Variants in PHACTR1 observed in about 807,000 individuals in gnomAD.
PHACTR1 encodes the protein phosphatase and actin regulator 1.
PHACTR1 carries 16 observed loss-of-function variants against 69.2 expected under a neutral mutation model. The observed-to-expected ratio is 0.23, with a 90% CI of 0.16 to 0.35. The LOEUF is 0.35. Ranked by LOEUF, PHACTR1 falls within the 10% of genes least tolerant of loss-of-function variation. PHACTR1 has a pLI of 1.00. For synonymous variants in PHACTR1, 312 were observed against 284.5 expected, an observed-to-expected ratio of 1.10 and a Z score of -0.97; for missense variants, 510 against 734.7, an observed-to-expected ratio of 0.69 and a Z score of 3.54.
rs568444240 is a variant in PHACTR1 at position 12,881,349 on chromosome 6, G to T, written c.250+131559G>T. ...TAGAGTGAGCTGATTTTTGTGGAAG[G>T]GTTGCATTTGGCGCTGAACCTGCAG... On this transcript the variant is annotated intron_variant, in intron 4 of 14. Coordinates refer to ENST00000332995, the MANE Select transcript of PHACTR1 (RefSeq NM_030948.6). 4.6e-5 allele frequency among the ~76,000 whole-genome samples: 7 copies of T among 152,248 alleles called. No individual in the cohort carries two copies. In the South Asian group the frequency reaches 1.5e-3, roughly 32 times the overall value.
intron 4 of PHACTR1, among the ~76,000 whole-genome samples, chr6:12,902,214 G>C (rs552210229): frequency 5.3e-5 from 8 of 152,298 alleles, no homozygotes; most frequent in African/African-American, 1.7e-4. Context: ...CCTGATGTCA[G>C]GAGTTCGAGA....
At chr6:13,073,881 T>C (rs1452863386) in intron 5 of PHACTR1, among the ~76,000 whole-genome samples, 1 of 151,594 alleles carries the variant, frequency 6.6e-6, no homozygotes, top group Non-Finnish European at 1.5e-5. Flanking sequence ...TTTCTTTTTT[T>C]TTTTTTTCTG....
Position 12,839,679 on chromosome 6 carries a change from C to T in PHACTR1, c.250+89889C>T, listed in dbSNP as rs542251902. On this transcript the variant is annotated intron_variant, in intron 4 of 14. Transcript: ENST00000332995. ...ACAGAAACAGGATACTGGTCACCAA[C>T]AGATCAAGATGTACACACAAGACAG... Among the ~76,000 whole-genome samples, 10 of 152,320 alleles carry T rather than the reference C, an allele frequency of 6.6e-5. No homozygotes were observed. The South Asian group carries it at 2.1e-3, about 32-fold the overall frequency.
At chr6:12,911,327 T>C (rs577285308) in intron 4 of PHACTR1, among the ~76,000 whole-genome samples, 37 of 152,292 alleles carry the variant, frequency 2.4e-4, no homozygotes, top group African/African-American at 7.7e-4. Context: ...GAAATCAACA[T>C]TGGGGTTTTG....
rs1311414885 is a variant in PHACTR1 at position 13,089,350 on chromosome 6, G to C, written c.415+35821G>C. ...TTTCTGAGAGGGTGCAGGCTCTAGG[G>C]GGGTGCACTCCATTGGCCCAGACAT... On this transcript the variant is annotated intron_variant, in intron 5 of 14. Transcript: ENST00000332995. Among the ~76,000 whole-genome samples the C allele has an allele frequency of 2.0e-5, 3 of 152,238 alleles. 1 individual carries two copies. In the East Asian group the frequency reaches 5.8e-4, roughly 29 times the overall value.
intron 4 of PHACTR1, chr6:12,933,757 A>G (rs1789129541): frequency 6.2e-7 from 1 of 1,612,808 alleles, no homozygotes; most frequent in Non-Finnish European, 8.5e-7. Flanking sequence ...CAGCCCCTAC[A>G]TACACTACAT....
At chr6:13,171,518 T>G (rs138740616) in intron 6 of PHACTR1, among the ~76,000 whole-genome samples, 196 of 152,346 alleles carry the variant, frequency 1.3e-3, no homozygotes, top group African/African-American at 4.4e-3. Context: ...AGTAGAACTT[T>G]CAACAGTAAC....
At chr6:13,286,299 T>A in intron 14 of PHACTR1, 77 bp downstream of exon 14, 10 of 1,227,752 alleles carry the variant, frequency 8.1e-6, no homozygotes, top group Non-Finnish European at 1.0e-5. Flanking sequence ...CTCTCCCACT[T>A]GTGGGACATG....
chr6:13,194,229 CCT>C (rs1256991465), intron 7 of PHACTR1, among the ~76,000 whole-genome samples: 1 of 151,996 alleles, frequency 6.6e-6, no homozygotes, highest in Non-Finnish European at 1.5e-5. Flanking sequence ...ATAGTGAAAC[CCT>C]GTCTTTACTA....
At chr6:12,727,709 T>C (rs1484174864) in intron 3 of PHACTR1, among the ~76,000 whole-genome samples, 1 of 152,198 alleles carries the variant, frequency 6.6e-6, no homozygotes, top group Non-Finnish European at 1.5e-5. Context: ...TCACTCCTCA[T>C]TTGCCCAAAC....
At chr6:13,104,779 T>C (rs549943602) in intron 5 of PHACTR1, among the ~76,000 whole-genome samples, 1 of 152,344 alleles carries the variant, frequency 6.6e-6, no homozygotes, top group African/African-American at 2.4e-5. Context: ...AAGGACCTTA[T>C]CTTTTTTATT....
At chr6:12,877,871 G>T (rs1055677099) in intron 4 of PHACTR1, among the ~76,000 whole-genome samples, 1 of 152,138 alleles carries the variant, frequency 6.6e-6, no homozygotes, top group African/African-American at 2.4e-5. Context: ...GAGTTTAATG[G>T]AATTTTCTCC....
chr6:13,195,970 G>T (rs542834386), intron 7 of PHACTR1, among the ~76,000 whole-genome samples: 3 of 152,162 alleles, frequency 2.0e-5, no homozygotes, highest in African/African-American at 7.2e-5. Flanking sequence ...GGGTTTTATG[G>T]CTCTGTGACA....
intron 5 of PHACTR1, among the ~76,000 whole-genome samples, chr6:13,110,215 A>G (rs1816814072): frequency 6.6e-6 from 1 of 152,044 alleles, no homozygotes; most frequent in South Asian, 2.1e-4. Flanking sequence ...TTTATTAAAT[A>G]CCAAGCATTT....
intron 4 of PHACTR1, among the ~76,000 whole-genome samples, chr6:12,826,443 C>G (rs555277115): frequency 3.4e-4 from 51 of 152,232 alleles, no homozygotes; most frequent in African/African-American, 1.2e-3. Flanking sequence ...CAATGTTTTC[C>G]CTACTTCAAC....
rs1457918249 is a variant in PHACTR1, at chr6:12,984,303, G to C, written c.251-69062G>C. On this transcript the variant is annotated intron_variant, in intron 4 of 14. Coordinates refer to ENST00000332995, the MANE Select transcript of PHACTR1 (RefSeq NM_030948.6). Reference sequence around the variant, plus strand: ...TAGATTAAAACCTAACTAGTCTGGGGCCATATAGTCAAGAGTGTGGCCTTT... The same window carrying C: ...TAGATTAAAACCTAACTAGTCTGGGCCCATATAGTCAAGAGTGTGGCCTTT... Among the ~76,000 whole-genome samples the C allele has an allele frequency of 2.6e-5, 4 of 152,218 alleles. No homozygotes were observed. The East Asian group carries it at 7.7e-4, about 29-fold the overall frequency.
chr6:12,850,648 G>A (rs1054816925), intron 4 of PHACTR1, among the ~76,000 whole-genome samples: 2 of 152,180 alleles, frequency 1.3e-5, no homozygotes, highest in African/African-American at 4.8e-5. Flanking sequence ...TGAAACCAAG[G>A]TGTCAGCAGG....
intron 5 of PHACTR1, among the ~76,000 whole-genome samples, chr6:13,113,468 CG>C (rs1469913626): frequency 1.3e-5 from 2 of 152,266 alleles, no homozygotes; most frequent in East Asian, 1.9e-4. Flanking sequence ...CCATTAGACT[CG>C]GTTAATAATT....
At position 13,287,084 on chromosome 6, in the gene PHACTR1, G is replaced by A. The variant is rs755873789; in HGVS notation, c.*6G>A. On this transcript the variant is annotated 3_prime_UTR_variant, in exon 15 of 15. Coordinates refer to ENST00000332995, the MANE Select transcript of PHACTR1 (RefSeq NM_030948.6). ...TTAGGTTTCACCGACCTTAACAGTC[G>A]AATTCCTCTTGAGTGCTATGCTGTC... The A allele has an allele frequency of 3.7e-5, 59 of 1,604,608 alleles. No individual in the cohort carries two copies. Among genetic ancestry groups the A allele is most frequent in the African/African-American group, 5.3e-5 (4 of 74,822 alleles).
Sources: allele counts gnomAD v4.1 joint callset (sites outside exome capture counted in the v4.1 genomes callset), GRCh38; gene constraint gnomAD v4.1.1; transcripts MANE v1.5; gene names NCBI Gene and HGNC (gene_info 2026-07-23, HGNC 2026-07-21).